Variants in MBD5 observed in about 807,000 individuals in gnomAD.
MBD5 encodes the protein methyl-CpG-binding domain protein 5.
In MBD5, 13 loss-of-function variants were observed where a neutral mutation model predicts 117.3. The ratio of observed to expected loss-of-function variants is 0.11; its 90% CI spans 0.07 to 0.18. The LOEUF (loss-of-function observed/expected upper bound fraction) is 0.18, where lower values mean the gene tolerates loss of function less well. Ranked by LOEUF, MBD5 falls within the 10% of genes least tolerant of loss-of-function variation. The probability of loss-of-function intolerance (pLI) is 1.00; values close to 1 mark genes in which losing one functional copy is unlikely to be tolerated. For synonymous variants in MBD5, 727 were observed against 766.4 expected (o/e 0.95, Z 0.85); for missense variants, 1,879 against 2,093.8 (o/e 0.90, Z 2.00).
chr2:148,447,774 T>C (rs1016060977), intron 4 of MBD5: 3 of 152,180 alleles, frequency 2.0e-5, no homozygotes, highest in African/African-American at 7.2e-5. Flanking sequence ...ATGTGAAATC[T>C]TTTGATTTAA....
At chr2:148,045,359 A>C (rs1694488732) in intron 1 of MBD5, among the ~76,000 whole-genome samples, 1 of 152,204 alleles carries the variant, frequency 6.6e-6, no homozygotes, top group Admixed American at 6.5e-5. Context: ...TGCATTGCTA[A>C]ATTTGAACAT....
chr2:148,260,470 A>G (rs1244722776), intron 3 of MBD5: 1 of 152,660 alleles, frequency 6.6e-6, no homozygotes, highest in Non-Finnish European at 1.5e-5. Flanking sequence ...TTTTGAACTC[A>G]TTAAAGTCAT....
intron 4 of MBD5, among the ~76,000 whole-genome samples, chr2:148,361,788 CGG>C (rs938099940): frequency 6.6e-6 from 1 of 152,136 alleles, no homozygotes; most frequent in African/African-American, 2.4e-5. Context: ...ACGCAGAAGG[CGG>C]GTAATTTCTG....
At chr2:148,373,242 A>G (rs903444680) in intron 4 of MBD5, among the ~76,000 whole-genome samples, 2 of 152,134 alleles carry the variant, frequency 1.3e-5, no homozygotes. Flanking sequence ...GATATCTTTG[A>G]TAAGATTTTA....
intron 4 of MBD5, among the ~76,000 whole-genome samples, chr2:148,426,272 G>C (rs1226695897): frequency 6.6e-6 from 1 of 152,148 alleles, no homozygotes; most frequent in African/African-American, 2.4e-5. Context: ...AGCTACCAAT[G>C]ACTTTCTTCA....
chr2:148,236,957 T>G (rs1700104882), intron 3 of MBD5, among the ~76,000 whole-genome samples: 1 of 152,190 alleles, frequency 6.6e-6, no homozygotes, highest in Non-Finnish European at 1.5e-5. Flanking sequence ...CCTGCTTCAC[T>G]TTGTACTTCT....
chr2:148,326,348 A>C (rs956015849), intron 3 of MBD5, among the ~76,000 whole-genome samples: 1 of 152,156 alleles, frequency 6.6e-6, no homozygotes, highest in African/African-American at 2.4e-5. Context: ...GATGTCTATT[A>C]GGTCCGCTTG....
chr2:148,294,506 T>TTTTTTTTTGTTTTTTTTTTTTTTGTTTTG lies in MBD5; in HGVS notation c.-679-47700_-679-47699insGTTTTTTTTTTTTTTGTTTTGTTTTTTTT, dbSNP rs1397412173. Among the ~76,000 whole-genome samples, 25 of 130,632 alleles carry TTTTTTTTTGTTTTTTTTTTTTTTGTTTTG rather than the reference T, an allele frequency of 1.9e-4. 1 individual carries two copies. The highest frequency in any genetic ancestry group is 5.2e-4 in the African/African-American group (17 of 32,866). 85.7% of individuals were successfully genotyped at this position (130,632 alleles called of 152,430 possible). ...CCCAAAGTGCTGGGATTACAGTTTT[T>TTTTTTTTTGTTTTTTTTTTTTTTGTTTTG]TTTTTTTTTTTTTTTGAGATAGAGC... On this transcript the variant is annotated intron_variant, in intron 3 of 13. Transcript: ENST00000642680.
At chr2:148,491,725 A>G (rs1681532545) in intron 11 of MBD5, among the ~76,000 whole-genome samples, 1 of 149,628 alleles carries the variant, frequency 6.7e-6, no homozygotes, top group Non-Finnish European at 1.5e-5. Context: ...AATGAATTCC[A>G]TACCCCTATT....
intron 4 of MBD5, among the ~76,000 whole-genome samples, chr2:148,396,931 G>C (rs1427681966): frequency 6.6e-6 from 1 of 152,052 alleles, no homozygotes; most frequent in Non-Finnish European, 1.5e-5. Flanking sequence ...TTACACTTTT[G>C]AGCGTACTGT....
intron 3 of MBD5, among the ~76,000 whole-genome samples, chr2:148,328,012 G>C (rs1310951865): frequency 6.6e-6 from 1 of 152,002 alleles, no homozygotes; most frequent in Non-Finnish European, 1.5e-5. Flanking sequence ...TGTACAGATG[G>C]GTTTTTGGTG....
intron 4 of MBD5, among the ~76,000 whole-genome samples, chr2:148,449,521 A>C (rs915460605): frequency 6.6e-6 from 1 of 151,984 alleles, no homozygotes; most frequent in African/African-American, 2.4e-5. Flanking sequence ...AGAAAGTGAC[A>C]TTTAAACTGA....
intron 12 of MBD5, among the ~76,000 whole-genome samples, chr2:148,504,801 A>T (rs1369731795): frequency 6.6e-6 from 1 of 152,186 alleles, no homozygotes; most frequent in East Asian, 1.9e-4. Context: ...TGAGAGCAGC[A>T]GTTGGATTTG....
chr2:148,494,024 T>G (rs1240646996), intron 11 of MBD5, among the ~76,000 whole-genome samples: 3 of 152,288 alleles, frequency 2.0e-5, no homozygotes, highest in African/African-American at 7.2e-5. Context: ...AGAGATGCCT[T>G]AAGAATTCAG....
chr2:148,044,135 A>C (rs987391345), intron 1 of MBD5, among the ~76,000 whole-genome samples: 5 of 152,226 alleles, frequency 3.3e-5, no homozygotes, highest in South Asian at 2.1e-4. Flanking sequence ...GTGTTATGTA[A>C]ATCAATGCTT....
At chr2:148,512,808 T>C in intron 13 of MBD5, 62 bp from the exon 14 acceptor site, 1 of 1,467,352 alleles carries the variant, frequency 6.8e-7, no homozygotes, top group South Asian at 1.1e-5. Flanking sequence ...GTCAGAAATT[T>C]TATGGTGTTT....
Position 148,470,162 on chromosome 2 carries a change from C to G in MBD5, c.2219C>G (p.Thr740Arg). 1 of 1,613,954 alleles carries G rather than the reference C, an allele frequency of 6.2e-7. No homozygotes were observed. The highest frequency in any genetic ancestry group is 8.5e-7 in the Non-Finnish European group (1 of 1,179,904). Residue 740 changes from threonine to arginine, a missense_variant, in exon 8 of 14, where the codon ACA (threonine) becomes AGA (arginine). Around this residue, in one of 4 missense-constraint regions of MBD5, gnomAD observed 1,666 missense variants for 1,792.2 expected, o/e 0.93. Coordinates refer to ENST00000642680, the MANE Select transcript of MBD5 (RefSeq NM_001378120.1). ...LPCSANQLHF[T>R]DPSMNSSVLQ... Reference sequence around the variant, plus strand: ...TGCTCTGCTAACCAGCTGCATTTTACAGATCCCAGTATGAACTCTAGTGTT... The same window carrying G: ...TGCTCTGCTAACCAGCTGCATTTTAGAGATCCCAGTATGAACTCTAGTGTT...
At chr2:148,231,101 C>A (rs955027768) in intron 2 of MBD5, among the ~76,000 whole-genome samples, 1 of 152,100 alleles carries the variant, frequency 6.6e-6, no homozygotes, top group Non-Finnish European at 1.5e-5. Context: ...TGTCTCTGGC[C>A]CAAGTTCAAC....
At chr2:148,131,027 A>C (rs1300682316) in intron 1 of MBD5, among the ~76,000 whole-genome samples, 1 of 152,198 alleles carries the variant, frequency 6.6e-6, no homozygotes, top group East Asian at 1.9e-4. Context: ...TCTTTGGCAT[A>C]AAATGTAGTA....
Sources: gnomAD v4.1 joint callset for allele counts (sites outside exome capture counted in the v4.1 genomes callset) on GRCh38, gnomAD v4.1.1 for gene constraint, gnomAD v4.1.1 regional missense constraint, MANE v1.5 for transcripts, NCBI Gene and HGNC (gene_info 2026-07-23, HGNC 2026-07-21) for gene names.